Variants in COL5A1 observed in about 807,000 individuals in gnomAD.
COL5A1 encodes the protein collagen type V alpha 1 chain, also known as collagen alpha-1(V) chain.
COL5A1 carries 16 observed loss-of-function variants against 263.7 expected under a neutral mutation model. The ratio of observed to expected loss-of-function variants is 0.06; its 90% CI spans 0.04 to 0.09. The LOEUF is 0.09. Ranked by LOEUF, COL5A1 falls within the 10% of genes least tolerant of loss-of-function variation. The pLI, the probability that COL5A1 is intolerant of heterozygous loss-of-function variation, is 1.00. For synonymous variants in COL5A1, 1,012 were observed against 1,004.5 expected, an observed-to-expected ratio of 1.01 and a Z score of -0.14; for missense variants, 2,036 against 2,540.5, an observed-to-expected ratio of 0.80 and a Z score of 4.27.
chr9:134,660,945 G>A (rs1362978366), intron 1 of COL5A1, among the ~76,000 whole-genome samples: 1 of 152,154 alleles, frequency 6.6e-6, no homozygotes, highest in African/African-American at 2.4e-5. Context: ...CCAGAGAATT[G>A]CTATGTTTTG....
chr9:134,790,663 T>C (rs1399657911), intron 32 of COL5A1, among the ~76,000 whole-genome samples: 2 of 144,230 alleles, frequency 1.4e-5, no homozygotes, highest in African/African-American at 5.2e-5. Flanking sequence ...CTATTATCTG[T>C]CTATCTCTGT....
intron 1 of COL5A1, among the ~76,000 whole-genome samples, chr9:134,657,802 G>A (rs909126859): frequency 6.6e-6 from 1 of 151,878 alleles, no homozygotes; most frequent in Admixed American, 6.6e-5. Flanking sequence ...CTCCTGGAGA[G>A]GACTCTGATG....
chr9:134,822,026 G>A, intron 58 of COL5A1, 71 bp from the exon 59 acceptor site: 3 of 1,369,530 alleles, frequency 2.2e-6, no homozygotes, highest in Non-Finnish European at 3.1e-6. Context: ...GTGTGGCTGG[G>A]TAGCAGGGTT....
At chr9:134,760,052 ACACACCCC>A (rs1352969080) in intron 18 of COL5A1, among the ~76,000 whole-genome samples, 8 of 107,552 alleles carry the variant, frequency 7.4e-5, no homozygotes, top group African/African-American at 2.8e-4. Flanking sequence ...ATACACACCC[ACACACCCC>A]CACACTCATA....
chr9:134,658,600 C>A (rs1250961744), intron 1 of COL5A1, among the ~76,000 whole-genome samples: 1 of 151,842 alleles, frequency 6.6e-6, no homozygotes, highest in Non-Finnish European at 1.5e-5. Context: ...TTTGCAGGCC[C>A]CGGAGAGGGG....
intron 18 of COL5A1, among the ~76,000 whole-genome samples, chr9:134,759,604 A>AC (rs1347643361): frequency 1.1e-5 from 1 of 93,132 alleles, no homozygotes; most frequent in Non-Finnish European, 2.0e-5. Flanking sequence ...ACACCCCCAC[A>AC]CCCCCACACA....
chr9:134,788,032 G>T (rs1273153472), intron 31 of COL5A1, among the ~76,000 whole-genome samples: 3 of 152,142 alleles, frequency 2.0e-5, no homozygotes, highest in African/African-American at 7.2e-5. Flanking sequence ...TGGATGAATG[G>T]GTAGGTATGT....
Position 134,727,151 on chromosome 9 carries a change from C to T in COL5A1, c.655-115C>T, listed in dbSNP as rs149883806. The T allele has an allele frequency of 7.0e-5, 77 of 1,093,920 alleles. No homozygotes were observed. In the African/African-American group the frequency reaches 8.3e-4, roughly 12 times the overall value. The allele number at this position is 1,093,920 out of a possible 1,614,324, so 67.8% of individuals were successfully genotyped here. On this transcript the variant is annotated intron_variant, in intron 4 of 65. Coordinates refer to ENST00000371817, the MANE Select transcript of COL5A1 (RefSeq NM_000093.5). ...GAATGTTTGGCTCTGAGGACAAGCT[C>T]GTCTTGTGGCTTGGTCTGGACTTTC...
At position 134,757,318 on chromosome 9, in the gene COL5A1, C is replaced by T. The variant is rs1836015160; in HGVS notation, c.1881+500C>T. ...CCCGCTGCTGTGCTCAGTGTATCCA[C>T]CCCTCTGCCCCAGCACTGCTGTGAG... On this transcript the variant is annotated intron_variant, in intron 17 of 65. Coordinates refer to ENST00000371817, the MANE Select transcript of COL5A1 (RefSeq NM_000093.5). The surrounding 1 kb of genome is among the most constrained non-coding windows in gnomAD (Gnocchi z 6.2). Among the ~76,000 whole-genome samples, 1 of 152,202 alleles carries T rather than the reference C, an allele frequency of 6.6e-6. No individual in the cohort carries two copies. The highest frequency in any genetic ancestry group is 2.1e-4 in the South Asian group (1 of 4,832).
At position 134,696,035 on chromosome 9, in the gene COL5A1, G is replaced by A. The variant is rs1178245102; in HGVS notation, c.278-3874G>A. Among the ~76,000 whole-genome samples, 1 of 152,172 alleles carries A rather than the reference G, an allele frequency of 6.6e-6. No homozygotes were observed. Among genetic ancestry groups the A allele is most frequent in the Non-Finnish European group, 1.5e-5 (1 of 68,014 alleles). On this transcript the variant is annotated intron_variant, in intron 2 of 65. Coordinates refer to ENST00000371817, the MANE Select transcript of COL5A1 (RefSeq NM_000093.5). The surrounding 1 kb of genome is among the most constrained non-coding windows in gnomAD (Gnocchi z 4.3). ...CCCTTAGCCCGGCCCCTCCTGGGCTGCCAGGGTCCAGCTGAAACCTCAGCC... is the reference window on the plus strand; with the variant it reads ...CCCTTAGCCCGGCCCCTCCTGGGCTACCAGGGTCCAGCTGAAACCTCAGCC...
At chr9:134,837,993 T>G (rs905452628) in intron 65 of COL5A1, among the ~76,000 whole-genome samples, 5 of 152,172 alleles carry the variant, frequency 3.3e-5, no homozygotes, top group East Asian at 1.9e-4. Context: ...GTGATCTCAC[T>G]ACCTCCTGAG....
intron 31 of COL5A1, among the ~76,000 whole-genome samples, chr9:134,787,015 G>A (rs1211716204): frequency 6.6e-6 from 1 of 152,244 alleles, no homozygotes; most frequent in Non-Finnish European, 1.5e-5. Flanking sequence ...CACCCCATAT[G>A]CAGGAGAGGT....
chr9:134,806,440 CAGAG>C, intron 42 of COL5A1, 144 bp downstream of exon 42: 1 of 637,904 alleles, frequency 1.6e-6, no homozygotes, highest in Non-Finnish European at 2.8e-6. Context: ...CCCTCTAGGA[CAGAG>C]CGTGTGTCCC....
At position 134,765,042 on chromosome 9, in the gene COL5A1, G is replaced by A. The variant is rs547270662; in HGVS notation, c.2035-639G>A. Among the ~76,000 whole-genome samples the A allele has an allele frequency of 1.3e-3, 193 of 151,910 alleles. No homozygotes were observed. Among genetic ancestry groups the A allele is most frequent in the African/African-American group, 4.2e-3 (175 of 41,426 alleles). Reference sequence around the variant, plus strand: ...GTGCCCTGTGGCAGGCAGTTCTCCCGGAATCTCACTCCACCTGCGGTAAAG... The same window carrying A: ...GTGCCCTGTGGCAGGCAGTTCTCCCAGAATCTCACTCCACCTGCGGTAAAG... On this transcript the variant is annotated intron_variant, in intron 20 of 65. Coordinates refer to ENST00000371817, the MANE Select transcript of COL5A1 (RefSeq NM_000093.5). This position sits in a 1 kb window ranked among gnomAD's most constrained non-coding sequence, Gnocchi z 5.1.
At chr9:134,644,808 A>C (rs1283885499) in intron 1 of COL5A1, among the ~76,000 whole-genome samples, 1 of 152,182 alleles carries the variant, frequency 6.6e-6, no homozygotes. Flanking sequence ...AATTGAGGTC[A>C]TCTCCTCTAC....
chr9:134,686,132 A>G lies in COL5A1; in HGVS notation c.110-4780A>G, dbSNP rs961366462. 6.6e-5 allele frequency among the ~76,000 whole-genome samples: 10 copies of G among 152,202 alleles called. No homozygotes were observed. Among genetic ancestry groups the G allele is most frequent in the Middle Eastern group, 3.4e-3 (1 of 294 alleles). On this transcript the variant is annotated intron_variant, in intron 1 of 65. Transcript: ENST00000371817. This position sits in a 1 kb window ranked among gnomAD's most constrained non-coding sequence, Gnocchi z 4.6. ...GTGCCAGTGCTGCAGTCTTGCTTGT[A>G]TTTCTTATCAGGGTCTTTGTGCTGC...
intron 48 of COL5A1, among the ~76,000 whole-genome samples, chr9:134,813,545 G>C (rs1054384769): frequency 1.3e-5 from 2 of 152,188 alleles, no homozygotes; most frequent in Non-Finnish European, 2.9e-5. Context: ...CCCCGCTGTA[G>C]GGCGCATGTT....
chr9:134,656,844 G>A (rs551106223), intron 1 of COL5A1, among the ~76,000 whole-genome samples: 1 of 147,614 alleles, frequency 6.8e-6, no homozygotes, highest in East Asian at 2.1e-4. Context: ...TAAATGGTTG[G>A]CACAAAAGGG....
chr9:134,731,689 G>A (rs62574080), intron 8 of COL5A1, 26 bp downstream of exon 8: 11 of 1,594,234 alleles, frequency 6.9e-6, no homozygotes, highest in East Asian at 2.2e-5. Flanking sequence ...CCCCCGTTCC[G>A]GGTGGGGTTG....
Sources: allele counts gnomAD v4.1 joint callset (sites outside exome capture counted in the v4.1 genomes callset), GRCh38; gene constraint gnomAD v4.1.1; non-coding constraint Gnocchi (gnomAD v3.1); transcripts MANE v1.5; gene names NCBI Gene and HGNC (gene_info 2026-07-23, HGNC 2026-07-21).